Variants in UTP15 observed in about 807,000 individuals in gnomAD.
UTP15 encodes UTP15 small subunit processome component.
A neutral mutation model predicts 59.1 loss-of-function variants in UTP15; 5 were observed. The ratio of observed to expected loss-of-function variants is 0.08; its 90% confidence interval spans 0.04 to 0.18. UTP15 has a LOEUF of 0.18. Among genes scored for constraint, UTP15 ranks in the 10% least tolerant of loss-of-function variants. The pLI, the probability that UTP15 is intolerant of heterozygous loss-of-function variation, is 1.00. For missense variants in UTP15, 494 were observed against 616.7 expected, an observed-to-expected ratio of 0.80 and a Z score of 2.11; for synonymous variants, 211 against 212.2, an observed-to-expected ratio of 0.99 and a Z score of 0.05.
Position 73,580,819 on chromosome 5 carries a change from A to G in UTP15, c.*725A>G, listed in dbSNP as rs1748280766. ...TTTCACCTTGTTTCAGGTCAGAGGA[A>G]TGATAGAATTTGTCATTTTTCTTAC... On this transcript the variant is annotated 3_prime_UTR_variant, in exon 13 of 13. Coordinates refer to ENST00000296792, the MANE Select transcript of UTP15 (RefSeq NM_032175.4). The G allele has an allele frequency of 6.6e-6, 1 of 152,002 alleles. No individual in the cohort carries two copies. The highest frequency in any genetic ancestry group is 1.5e-5 in the Non-Finnish European group (1 of 68,016). 9.4% of individuals were successfully genotyped at this position (152,002 alleles called of 1,614,324 possible). A position where few individuals can be genotyped will look rare whatever the true frequency, so the allele number is the denominator to read the frequency against.
intron 7 of UTP15, among the ~76,000 whole-genome samples, chr5:73,576,531 G>A (rs1031954168): frequency 2.0e-5 from 3 of 151,026 alleles, no homozygotes; most frequent in Non-Finnish European, 4.4e-5. Flanking sequence ...CTGGAGTGCA[G>A]TGGCACAATC....
rs1253564195 is a variant in UTP15, at chr5:73,583,053, TG to T, written c.*2962del. The stretch of plus-strand genomic sequence containing the variant: ...TGTTTAAAGGAATTTGAATTGTAAA[TG>T]GGATTGTTAAAACAAATTTAGTCTG... On this transcript the variant is annotated 3_prime_UTR_variant, in exon 13 of 13. Transcript: ENST00000296792. 1 of 152,186 alleles carries T rather than the reference TG, an allele frequency of 6.6e-6. No homozygotes were observed. The highest frequency in any genetic ancestry group is 2.4e-5 in the African/African-American group (1 of 41,462). The allele number at this position is 152,186 out of a possible 1,614,324, so 9.4% of individuals were successfully genotyped here.
At chr5:73,573,482 G>C (rs563043842) in intron 7 of UTP15, among the ~76,000 whole-genome samples, 3 of 151,480 alleles carry the variant, frequency 2.0e-5, no homozygotes, top group Non-Finnish European at 4.4e-5. Context: ...TTCTGGCCTC[G>C]TGTGGTCTGC....
intron 10 of UTP15, 49 bp from the exon 11 acceptor site, chr5:73,578,968 T>A (rs1748212117): frequency 6.3e-7 from 1 of 1,593,040 alleles, no homozygotes; most frequent in South Asian, 1.1e-5. Flanking sequence ...GACAGTGATT[T>A]TTTTTGTGCT....
rs1280329973 is a variant in UTP15 at position 73,570,334 on chromosome 5, G to A, written c.548-252G>A. Among the ~76,000 whole-genome samples, 4 of 152,184 alleles carry A rather than the reference G, an allele frequency of 2.6e-5. No homozygotes were observed. The East Asian group carries it at 7.7e-4, about 29-fold the overall frequency. ...TTTACAAAGATTTCCAGATGATTCAGTAGTGACAGTAGTCCAAAGAAAGAA... is the reference window on the plus strand; with the variant it reads ...TTTACAAAGATTTCCAGATGATTCAATAGTGACAGTAGTCCAAAGAAAGAA... On this transcript the variant is annotated intron_variant, in intron 5 of 12. Coordinates refer to ENST00000296792, the MANE Select transcript of UTP15 (RefSeq NM_032175.4).
rs184991190 is a variant in UTP15 at position 73,573,153 on chromosome 5, C to T, written c.809+529C>T. Among the ~76,000 whole-genome samples, 237 of 152,020 alleles carry T rather than the reference C, an allele frequency of 1.6e-3. 2 individuals are homozygous for T. The highest frequency in any genetic ancestry group is 5.5e-3 in the African/African-American group (230 of 41,452). The stretch of plus-strand genomic sequence containing the variant: ...ATTTGTTTTAACTTGTATACTTAAA[C>T]AACATTATTGAACCATTTGAATGAT... On this transcript the variant is annotated intron_variant, in intron 7 of 12. Coordinates refer to ENST00000296792, the MANE Select transcript of UTP15 (RefSeq NM_032175.4).
intron 7 of UTP15, among the ~76,000 whole-genome samples, 190 bp from the exon 8 acceptor site, chr5:73,576,762 C>T (rs111588545): frequency 0.022 from 3,371 of 152,274 alleles, 116 homozygotes; most frequent in African/African-American, 0.076. Flanking sequence ...TGTGAGCCAC[C>T]GTGTCCGGCC....
chr5:73,578,881 TTATTACTTACCCTGC>T, intron 10 of UTP15, 29 bp downstream of exon 10: 20 of 1,582,676 alleles, frequency 1.3e-5, no homozygotes, highest in Non-Finnish European at 1.5e-5. Context: ...AAAAATCATG[TTATTACTTACCCTGC>T]ATATTACCAT....
chr5:73,577,409 A>G (rs1249326776), intron 8 of UTP15, among the ~76,000 whole-genome samples: 1 of 152,202 alleles, frequency 6.6e-6, no homozygotes, highest in Non-Finnish European at 1.5e-5. Context: ...ACAAAATGAA[A>G]TATCTCCTTT....
At position 73,583,060 on chromosome 5, in the gene UTP15, G is replaced by A. The variant is rs1748370321; in HGVS notation, c.*2966G>A. On this transcript the variant is annotated 3_prime_UTR_variant, in exon 13 of 13. Transcript: ENST00000296792. ...AGGAATTTGAATTGTAAATGGGATTGTTAAAACAAATTTAGTCTGTTCAAC... is the reference window on the plus strand; with the variant it reads ...AGGAATTTGAATTGTAAATGGGATTATTAAAACAAATTTAGTCTGTTCAAC... 1 of 152,176 alleles carries A rather than the reference G, an allele frequency of 6.6e-6. No homozygotes were observed. Among genetic ancestry groups the A allele is most frequent in the Non-Finnish European group, 1.5e-5 (1 of 68,024 alleles). 9.4% of individuals were successfully genotyped at this position (152,176 alleles called of 1,614,324 possible).
chr5:73,574,099 G>A (rs1748019809), intron 7 of UTP15, among the ~76,000 whole-genome samples: 1 of 151,818 alleles, frequency 6.6e-6, no homozygotes, highest in Non-Finnish European at 1.5e-5. Context: ...GAGGTGGGAG[G>A]ATCACTTGAG....
In UTP15 at chr5:73,577,000, T is replaced by C; in HGVS notation, c.858T>C (p.Phe286=). Residue 286 remains phenylalanine (F), a synonymous_variant, in exon 8 of 13, where the codon TTT becomes TTC. Coordinates refer to ENST00000296792, the MANE Select transcript of UTP15 (RefSeq NM_032175.4). ...STTSYKVVHS[F]DYAASILSLA... is the part of the protein sequence containing the mutation. ...CTTCCTACAAAGTAGTCCACAGTTT[T>C]GATTATGCAGCTTCAATTTTGAGTC... The C allele has an allele frequency of 6.2e-7, 1 of 1,611,516 alleles. No homozygotes were observed. The highest frequency in any genetic ancestry group is 8.5e-7 in the Non-Finnish European group (1 of 1,179,342).
intron 4 of UTP15, 71 bp from the exon 5 acceptor site, chr5:73,569,426 G>A (rs1747870765): frequency 1.2e-5 from 14 of 1,201,734 alleles, no homozygotes; most frequent in East Asian, 8.0e-5. Flanking sequence ...AGAAAAAGGA[G>A]CATTTTATGT....
intron 7 of UTP15, among the ~76,000 whole-genome samples, chr5:73,574,309 T>C (rs1407431009): frequency 2.0e-5 from 3 of 151,798 alleles, no homozygotes; most frequent in Non-Finnish European, 4.4e-5. Context: ...GTTACAGTGA[T>C]ACCCTGTCTC....
chr5:73,569,782 G>T (rs1315921581), intron 5 of UTP15, 107 bp downstream of exon 5: 3 of 896,546 alleles, frequency 3.3e-6, no homozygotes, highest in Non-Finnish European at 4.8e-6. Flanking sequence ...TTTTTATAAA[G>T]GAATATGTTT....
chr5:73,580,916 CTG>C lies in UTP15; in HGVS notation c.*824_*825del, dbSNP rs1411846581. 6.6e-6 allele frequency: 1 copy of C among 152,160 alleles called. No homozygotes were observed. Among genetic ancestry groups the C allele is most frequent in the Non-Finnish European group, 1.5e-5 (1 of 68,022 alleles). 9.4% of individuals were successfully genotyped at this position (152,160 alleles called of 1,614,324 possible). ...GCTAAGCTACCTAATCCTCTGAAAA[CTG>C]TTTTCTCTGATTTGTATTTAGATTC... On this transcript the variant is annotated 3_prime_UTR_variant, in exon 13 of 13. Transcript: ENST00000296792.
chr5:73,571,871 A>G (rs1386917150), intron 6 of UTP15, among the ~76,000 whole-genome samples: 1 of 152,210 alleles, frequency 6.6e-6, no homozygotes, highest in African/African-American at 2.4e-5. Context: ...TTGAACAGGG[A>G]GAATAGAAAG....
At position 73,569,688 on chromosome 5, in the gene UTP15, T is replaced by G; in HGVS notation, c.547+13T>G. The G allele has an allele frequency of 6.4e-7, 1 of 1,573,964 alleles. No homozygotes were observed. Among genetic ancestry groups the G allele is most frequent in the Non-Finnish European group, 8.6e-7 (1 of 1,159,730 alleles). On this transcript the variant is annotated intron_variant, in intron 5 of 12. Transcript: ENST00000296792. ...CTCTTTATAACAGGTTGGTGAACTC[T>G]ATTCCCTCCTGAAGCAAATAATCTC...
chr5:73,572,317 T>C (rs1487064722), intron 6 of UTP15, among the ~76,000 whole-genome samples, 172 bp from the exon 7 acceptor site: 1 of 152,208 alleles, frequency 6.6e-6, no homozygotes, highest in African/African-American at 2.4e-5. Context: ...GGAACTGTTA[T>C]TACCAATGAC....
Sources: allele counts gnomAD v4.1 joint callset (sites outside exome capture counted in the v4.1 genomes callset), GRCh38; gene constraint gnomAD v4.1.1; transcripts MANE v1.5; gene names NCBI Gene and HGNC (gene_info 2026-07-23, HGNC 2026-07-21).